The following BABAM1 variants were observed in gnomAD, a reference collection of about 807,000 sequenced individuals.
The protein encoded by BABAM1 is BRISC and BRCA1 A complex member 1.
BABAM1 carries 14 observed loss-of-function variants against 34.4 expected under a neutral mutation model. The observed-to-expected ratio is 0.41, with a 90% confidence interval of 0.27 to 0.64. The LOEUF is 0.64. Ranked by LOEUF, BABAM1 falls within the 30% of genes least tolerant of loss-of-function variation. BABAM1 has a pLI of 0.34. For synonymous variants in BABAM1, 169 were observed against 165.8 expected, an observed-to-expected ratio of 1.02 and a Z score of -0.15; for missense variants, 393 against 434.0, an observed-to-expected ratio of 0.91 and a Z score of 0.84.
Position 17,276,495 on chromosome 19 carries a change from C to T in BABAM1, c.570C>T (p.Ile190=), listed in dbSNP as rs1348817749. 2 of 1,591,870 alleles carry T rather than the reference C, an allele frequency of 1.3e-6. No individual in the cohort carries two copies. Among genetic ancestry groups the T allele is most frequent in the South Asian group, 1.1e-5 (1 of 87,396 alleles). ...TFNLEGLFSL[I]QQKTELPVTE... ...CTGCTCCCTCCTCCCGGGTATGCAG[C>T]CAGCAGAAAACTGAGCTTCCGGTCA... is the stretch of plus-strand genomic sequence containing the variant. Residue 190 remains isoleucine (I), a splice_region_variant and synonymous_variant, in exon 7 of 9, where the codon ATC becomes ATT. Coordinates refer to ENST00000598188, the MANE Select transcript of BABAM1 (RefSeq NM_014173.4).
At position 17,275,825 on chromosome 19, in the gene BABAM1, T is replaced by C; in HGVS notation, c.569T>C (p.Ile190Thr). ...TFNLEGLFSLIQQKTELPVTE... is the reference protein window; with the variant it reads ...TFNLEGLFSLTQQKTELPVTE... Reference sequence around the variant, plus strand: ...GATCTGGAAGGACTTTTCAGCCTCATGTAAGTCCCCTGTGGGGAAATTCTT... The same window carrying C: ...GATCTGGAAGGACTTTTCAGCCTCACGTAAGTCCCCTGTGGGGAAATTCTT... The change falls in exon 6 of 9, where the codon ATC becomes ACC. Residue 190 changes from isoleucine to threonine, a missense_variant and splice_region_variant. Transcript: ENST00000598188. 6.2e-7 allele frequency: 1 copy of C among 1,613,574 alleles called. No homozygotes were observed. Among genetic ancestry groups the C allele is most frequent in the Non-Finnish European group, 8.5e-7 (1 of 1,179,564 alleles).
intron 4 of BABAM1, 26 bp from the exon 5 acceptor site, chr19:17,274,081 G>A (rs375536462): frequency 1.1e-5 from 17 of 1,613,576 alleles, no homozygotes; most frequent in East Asian, 6.7e-5. Flanking sequence ...GGGGAGCATC[G>A]CACTGAGGCC....
intron 6 of BABAM1, 21 bp downstream of exon 6, chr19:17,275,846 T>C: frequency 6.2e-7 from 1 of 1,610,082 alleles, no homozygotes; most frequent in Non-Finnish European, 8.5e-7. Context: ...TGTGGGGAAA[T>C]TCTTATTCAC....
At position 17,276,752 on chromosome 19, in the gene BABAM1, G is replaced by A; in HGVS notation, c.700-71G>A. ...AGTTCCCAGAGTCTGAGGCAGAAATGGGGGAGCTATAGTCATGGGGCACGG... is the reference window on the plus strand; with the variant it reads ...AGTTCCCAGAGTCTGAGGCAGAAATAGGGGAGCTATAGTCATGGGGCACGG... On this transcript the variant is annotated intron_variant, in intron 7 of 8. Transcript: ENST00000598188. The A allele has an allele frequency of 1.9e-6, 3 of 1,556,678 alleles. No homozygotes were observed. The South Asian group carries it at 3.5e-5, about 18-fold the overall frequency.
At chr19:17,271,518 G>T in intron 2 of BABAM1, 79 bp from the exon 3 acceptor site, 2 of 1,496,884 alleles carry the variant, frequency 1.3e-6, no homozygotes, top group Non-Finnish European at 1.8e-6. Context: ...AGACAAGGCA[G>T]CTTGAAGAGG....
intron 8 of BABAM1, among the ~76,000 whole-genome samples, chr19:17,278,314 CT>C (rs777700531): frequency 8.9e-4 from 113 of 126,476 alleles, no homozygotes; most frequent in Non-Finnish European, 1.0e-3. Context: ...ACTGGGGACT[CT>C]TTTTTTTTTT....
chr19:17,269,801 C>G lies in BABAM1; in HGVS notation c.285+710C>G, dbSNP rs530392109. On this transcript the variant is annotated intron_variant, in intron 2 of 8. Transcript: ENST00000598188. Reference sequence around the variant, plus strand: ...CTGGAGTGCAGTGGTGTGATCTCAGCTCACTGCAACCTCCGCCTCCTGGGT... The same window carrying G: ...CTGGAGTGCAGTGGTGTGATCTCAGGTCACTGCAACCTCCGCCTCCTGGGT... Among the ~76,000 whole-genome samples, 4 of 152,002 alleles carry G rather than the reference C, an allele frequency of 2.6e-5. No individual in the cohort carries two copies. The South Asian group carries it at 8.3e-4, about 32-fold the overall frequency.
chr19:17,275,885 A>G, intron 6 of BABAM1, 60 bp downstream of exon 6: 1 of 1,574,198 alleles, frequency 6.4e-7, no homozygotes, highest in Non-Finnish European at 8.7e-7. Flanking sequence ...CTTCTGGGAA[A>G]AAGCTCCAAA....
At chr19:17,275,018 G>A (rs976629559) in intron 5 of BABAM1, among the ~76,000 whole-genome samples, 1 of 152,058 alleles carries the variant, frequency 6.6e-6, no homozygotes, top group Non-Finnish European at 1.5e-5. Context: ...CGATTCTCCT[G>A]CCTTAGCCTC....
chr19:17,274,868 CT>C (rs67472219), intron 5 of BABAM1, among the ~76,000 whole-genome samples: 116,854 of 152,144 alleles, frequency 0.77, 45,925 homozygotes, highest in Non-Finnish European at 0.81. Context: ...ACCCCTGGCT[CT>C]TTTCATTTTG....
chr19:17,276,144 T>C (rs2073905206), intron 6 of BABAM1, among the ~76,000 whole-genome samples: 1 of 152,032 alleles, frequency 6.6e-6, no homozygotes, highest in Non-Finnish European at 1.5e-5. Flanking sequence ...GTCAGGAGTT[T>C]GAGACCAGCC....
intron 8 of BABAM1, 78 bp downstream of exon 8, chr19:17,276,987 G>A (rs1417932635): frequency 2.9e-6 from 4 of 1,359,566 alleles, no homozygotes; most frequent in Admixed American, 2.0e-5. Context: ...TGGGTCTGGG[G>A]GTCTCTACCT....
At chr19:17,278,509 C>T (rs2073938269) in intron 8 of BABAM1, among the ~76,000 whole-genome samples, 1 of 151,972 alleles carries the variant, frequency 6.6e-6, no homozygotes, top group Admixed American at 6.6e-5. Context: ...CGGGGTTTCA[C>T]TGTGTTAGCC....
At chr19:17,275,325 T>G (rs964333861) in intron 5 of BABAM1, among the ~76,000 whole-genome samples, 4 of 151,298 alleles carry the variant, frequency 2.6e-5, no homozygotes, top group Non-Finnish European at 5.9e-5. Context: ...AGTCTCGCTC[T>G]TGTTGCCCAG....
rs751880278 is a variant in BABAM1 at position 17,279,062 on chromosome 19, A to C, written c.*14A>C. The C allele has an allele frequency of 3.1e-6, 5 of 1,600,596 alleles. No individual in the cohort carries two copies. The South Asian group carries it at 5.6e-5, about 18-fold the overall frequency. On this transcript the variant is annotated 3_prime_UTR_variant, in exon 9 of 9. Coordinates refer to ENST00000598188, the MANE Select transcript of BABAM1 (RefSeq NM_014173.4). Reference sequence around the variant, plus strand: ...GCCACTGTCTGAACCATCCCTGTACATCTGCACCTTCTTGTGCAAGGAAGT... The same window carrying C: ...GCCACTGTCTGAACCATCCCTGTACCTCTGCACCTTCTTGTGCAAGGAAGT...
At chr19:17,277,947 C>T (rs753718084) in intron 8 of BABAM1, among the ~76,000 whole-genome samples, 9 of 151,692 alleles carry the variant, frequency 5.9e-5, no homozygotes, top group Admixed American at 2.0e-4. Flanking sequence ...GAAGCCGAGG[C>T]GGGTGACTCA....
intron 3 of BABAM1, among the ~76,000 whole-genome samples, chr19:17,273,160 G>T (rs2073862592): frequency 6.6e-6 from 1 of 152,226 alleles, no homozygotes; most frequent in African/African-American, 2.4e-5. Context: ...AGAGTAATGG[G>T]GCAGAGCCAG....
chr19:17,274,377 C>A, intron 5 of BABAM1, 192 bp downstream of exon 5: 2 of 668,532 alleles, frequency 3.0e-6, no homozygotes, highest in Non-Finnish European at 5.0e-6. Flanking sequence ...TTGCCTACCC[C>A]ATGGAGATGC....
At chr19:17,276,324 A>G (rs1010123761) in intron 6 of BABAM1, 171 bp from the exon 7 acceptor site, 3 of 968,306 alleles carry the variant, frequency 3.1e-6, no homozygotes, top group East Asian at 5.3e-5. Context: ...GGCTGGGAAC[A>G]TGCTCAGGGC....
Sources: gnomAD v4.1 joint callset for allele counts (sites outside exome capture counted in the v4.1 genomes callset) on GRCh38, gnomAD v4.1.1 for gene constraint, MANE v1.5 for transcripts, NCBI Gene and HGNC (gene_info 2026-07-23, HGNC 2026-07-21) for gene names.